BBX: variants seen among roughly 807,000 people sequenced by gnomAD.
The protein encoded by BBX is HMG box transcription factor BBX.
In BBX, 30 loss-of-function variants were observed where a neutral mutation model predicts 100.2. That is an observed-to-expected ratio of 0.30 (90% confidence interval 0.22 to 0.41). The LOEUF (loss-of-function observed/expected upper bound fraction) is 0.41. Among genes scored for constraint, BBX ranks in the 10% least tolerant of loss-of-function variants. BBX has a pLI of 1.00. For synonymous variants in BBX, 376 were observed against 388.1 expected, an observed-to-expected ratio of 0.97 and a Z score of 0.37; for missense variants, 1,023 against 1,129.8, an observed-to-expected ratio of 0.91 and a Z score of 1.35.
chr3:107,733,152 C>T, intron 7 of BBX, 129 bp downstream of exon 7: 1 of 775,898 alleles, frequency 1.3e-6, no homozygotes, highest in Non-Finnish European at 2.0e-6. Flanking sequence ...TAATCTTTCT[C>T]TTTAAGATCT....
rs908796605 is a variant in BBX, at chr3:107,784,223, G to A, written c.2204-5564G>A. Among the ~76,000 whole-genome samples the A allele has an allele frequency of 1.4e-4, 21 of 151,988 alleles. No homozygotes were observed. The East Asian group carries it at 3.3e-3, about 24-fold the overall frequency. ...TATATAATTTGTTTGAAGGTGAGACGTACAGTGGAAAAAGAATTGGTGGAT... is the reference window on the plus strand; with the variant it reads ...TATATAATTTGTTTGAAGGTGAGACATACAGTGGAAAAAGAATTGGTGGAT... On this transcript the variant is annotated intron_variant, in intron 13 of 17. Transcript: ENST00000325805.
chr3:107,775,046 TC>T (rs1345734178), intron 12 of BBX, among the ~76,000 whole-genome samples, 189 bp downstream of exon 12: 3 of 152,180 alleles, frequency 2.0e-5, no homozygotes, highest in African/African-American at 7.2e-5. Flanking sequence ...GTTAACATGG[TC>T]ATGTGAATGA....
intron 2 of BBX, among the ~76,000 whole-genome samples, chr3:107,568,322 T>G (rs1286903987): frequency 6.7e-6 from 1 of 149,598 alleles, no homozygotes; most frequent in Non-Finnish European, 1.5e-5. Context: ...TGGAGTGCAG[T>G]GGCGGAATCT....
intron 15 of BBX, among the ~76,000 whole-genome samples, chr3:107,796,524 T>C (rs1446453419): frequency 6.6e-6 from 1 of 152,220 alleles, no homozygotes; most frequent in Non-Finnish European, 1.5e-5. Flanking sequence ...TGGATCTGGA[T>C]AAGAAATTCG....
At chr3:107,787,005 T>C (rs552179432) in intron 13 of BBX, among the ~76,000 whole-genome samples, 93 of 152,210 alleles carry the variant, frequency 6.1e-4, no homozygotes, top group Non-Finnish European at 1.1e-3. Context: ...GAATAAGATA[T>C]ATAACAAATA....
rs771250632 is a variant in BBX, at chr3:107,744,719, T to G, written c.750+9T>G. On this transcript the variant is annotated intron_variant, in intron 8 of 17. Transcript: ENST00000325805. ...TGTTTCAGTTTGCCGAGGTAATATA[T>G]TACAATTGATACTTAACTAATGAGG... 3.1e-6 allele frequency: 5 copies of G among 1,602,504 alleles called. No homozygotes were observed. The highest frequency in any genetic ancestry group is 4.3e-6 in the Non-Finnish European group (5 of 1,169,720).
chr3:107,719,747 T>C (rs1028118233), intron 5 of BBX, among the ~76,000 whole-genome samples: 15 of 152,096 alleles, frequency 9.9e-5, no homozygotes, highest in African/African-American at 3.6e-4. Context: ...TTCTAATTTT[T>C]GAATGTGTGA....
chr3:107,741,632 T>A lies in BBX; in HGVS notation c.670-2998T>A, dbSNP rs187740182. 5.3e-5 allele frequency among the ~76,000 whole-genome samples: 8 copies of A among 152,346 alleles called. No individual in the cohort carries two copies. In the East Asian group the frequency reaches 1.5e-3, roughly 29 times the overall value. Reference sequence around the variant, plus strand: ...CGAACAAATATCTTTGACTATTTTGTATTTAGAAAGTAAACTGGCTCTAGC... The same window carrying A: ...CGAACAAATATCTTTGACTATTTTGAATTTAGAAAGTAAACTGGCTCTAGC... On this transcript the variant is annotated intron_variant, in intron 7 of 17. Transcript: ENST00000325805.
intron 5 of BBX, among the ~76,000 whole-genome samples, chr3:107,726,677 A>G (rs947208886): frequency 1.3e-5 from 2 of 151,928 alleles, no homozygotes; most frequent in Non-Finnish European, 2.9e-5. Context: ...TTGTGAAAGC[A>G]TTTTTCCTGC....
chr3:107,549,215 C>T (rs984067151), intron 2 of BBX, among the ~76,000 whole-genome samples: 1 of 152,106 alleles, frequency 6.6e-6, no homozygotes, highest in African/African-American at 2.4e-5. Context: ...CAAGCTTTTA[C>T]TCAATAAATG....
At chr3:107,748,147 A>C (rs2064778345) in intron 9 of BBX, 108 bp downstream of exon 9, 1 of 862,460 alleles carries the variant, frequency 1.2e-6, no homozygotes, top group Non-Finnish European at 1.8e-6. Flanking sequence ...GCCTGTTGTC[A>C]TTATTAACAT....
At chr3:107,698,900 A>C (rs1348897213) in intron 3 of BBX, among the ~76,000 whole-genome samples, 1 of 151,800 alleles carries the variant, frequency 6.6e-6, no homozygotes, top group Non-Finnish European at 1.5e-5. Flanking sequence ...ATTGTTAGGA[A>C]TGTCTGAAAC....
At chr3:107,622,240 G>A (rs973761625) in intron 2 of BBX, among the ~76,000 whole-genome samples, 1 of 152,086 alleles carries the variant, frequency 6.6e-6, no homozygotes, top group African/African-American at 2.4e-5. Context: ...TAATGCTTGA[G>A]GTTCATCCAC....
chr3:107,747,098 AT>A (rs751575265), intron 8 of BBX, among the ~76,000 whole-genome samples: 1 of 152,142 alleles, frequency 6.6e-6, no homozygotes, highest in Non-Finnish European at 1.5e-5. Context: ...CTTGAAAAGT[AT>A]TTCCACATGT....
chr3:107,604,956 CA>C (rs2054321007), intron 2 of BBX, among the ~76,000 whole-genome samples: 1 of 152,144 alleles, frequency 6.6e-6, no homozygotes, highest in Admixed American at 6.5e-5. Flanking sequence ...TTCATCTTTA[CA>C]GTGTGCCTTT....
At chr3:107,646,333 G>C (rs2057518505) in intron 3 of BBX, among the ~76,000 whole-genome samples, 1 of 152,016 alleles carries the variant, frequency 6.6e-6, no homozygotes, top group South Asian at 2.1e-4. Flanking sequence ...TTTCTTACCT[G>C]TTAAAAATAA....
intron 15 of BBX, among the ~76,000 whole-genome samples, chr3:107,796,764 T>A (rs1335383007): frequency 6.6e-6 from 1 of 152,156 alleles, no homozygotes; most frequent in Non-Finnish European, 1.5e-5. Context: ...CTGGCCTATG[T>A]TAAGCTAAAT....
chr3:107,589,122 G>C (rs989746605), intron 2 of BBX, among the ~76,000 whole-genome samples: 17 of 152,206 alleles, frequency 1.1e-4, no homozygotes, highest in African/African-American at 1.7e-4. Context: ...ATTTTATGCT[G>C]TTCTCCCATA....
chr3:107,758,926 C>T (rs1367316143), intron 10 of BBX, among the ~76,000 whole-genome samples: 1 of 152,126 alleles, frequency 6.6e-6, no homozygotes, highest in African/African-American at 2.4e-5. Flanking sequence ...CAACTCCATT[C>T]CTGTGGGCTG....
Sources: allele counts gnomAD v4.1 joint callset (sites outside exome capture counted in the v4.1 genomes callset), GRCh38; gene constraint gnomAD v4.1.1; transcripts MANE v1.5; gene names NCBI Gene and HGNC (gene_info 2026-07-23, HGNC 2026-07-21).